Variants in PCDHA11 observed in about 807,000 individuals in gnomAD.
PCDHA11 encodes protocadherin alpha 11, also known as protocadherin alpha-11.
In PCDHA11, 61 loss-of-function variants were observed where a neutral mutation model predicts 70.3. The ratio of observed to expected loss-of-function variants is 0.87; its 90% CI spans 0.71 to 1.07. The LOEUF (loss-of-function observed/expected upper bound fraction) is 1.07. PCDHA11 is among the 50% of genes least tolerant of loss of function. The pLI is 0.00. For synonymous variants in PCDHA11, 633 were observed against 555.1 expected, an observed-to-expected ratio of 1.14 and a Z score of -1.97; for missense variants, 1,324 against 1,237.5, an observed-to-expected ratio of 1.07 and a Z score of -1.05.
intron 1 of PCDHA11, chr5:140,928,484 G>A (rs1371678688): frequency 1.5e-5 from 25 of 1,614,026 alleles, no homozygotes; most frequent in African/African-American, 4.0e-5. Context: ...CGGGATGGTG[G>A]CATTCCTCCC....
At position 140,869,394 on chromosome 5, in the gene PCDHA11, G is replaced by A. The variant is rs782128248; in HGVS notation, c.291G>A (p.Gly97=). ...GGATCGACCGCGAGGAGCTGTGCGG[G>A]CAGAGCGCGGAGTGCAGCATCCACC... is the stretch of plus-strand genomic sequence containing the variant. ...NSRIDREELC[G]QSAECSIHLE... Residue 97 remains glycine (G), a synonymous_variant, in exon 1 of 4, where the codon GGG becomes GGA. Coordinates refer to ENST00000398640, the MANE Select transcript of PCDHA11 (RefSeq NM_018902.5). 6.2e-7 allele frequency: 1 copy of A among 1,614,078 alleles called. No individual in the cohort carries two copies. The highest frequency in any genetic ancestry group is 8.5e-7 in the Non-Finnish European group (1 of 1,180,052).
intron 1 of PCDHA11, chr5:140,883,940 G>T: frequency 6.2e-7 from 1 of 1,613,412 alleles, no homozygotes; most frequent in Non-Finnish European, 8.5e-7. Flanking sequence ...CGTGCTGGAC[G>T]AGAACGACAA....
At chr5:140,887,100 T>TC (rs1231390589) in intron 1 of PCDHA11, among the ~76,000 whole-genome samples, 2 of 151,232 alleles carry the variant, frequency 1.3e-5, no homozygotes, top group Non-Finnish European at 2.9e-5. Flanking sequence ...TATCTTTATC[T>TC]CTTTTTTTTT....
In PCDHA11 at chr5:140,871,131, G is replaced by A. The variant is rs781968741; in HGVS notation, c.2028G>A (p.Lys676=). 1.2e-6 allele frequency: 2 copies of A among 1,613,386 alleles called. No homozygotes were observed. The highest frequency in any genetic ancestry group is 2.2e-5 in the South Asian group (2 of 91,080). The stretch of plus-strand genomic sequence containing the variant: ...TGGTGGAGAGCGGACAGGCGCCAAA[G>A]GCCTCTTCCCGGACTTTGGCGGGCG... ...VSLVESGQAP[K]ASSRTLAGAA... Residue 676 remains lysine, a synonymous_variant, in exon 1 of 4, where the codon AAG becomes AAA. Coordinates refer to ENST00000398640, the MANE Select transcript of PCDHA11 (RefSeq NM_018902.5).
rs538891766 is a variant in PCDHA11 at position 140,931,784 on chromosome 5, A to G, written c.2392-47165A>G. The stretch of plus-strand genomic sequence containing the variant: ...TTTACTTCTTCCTGTTCAATTACCT[A>G]TTGATCTGATCTTAATTCTTTAGAA... On this transcript the variant is annotated intron_variant, in intron 1 of 3. Transcript: ENST00000398640. Among the ~76,000 whole-genome samples, 13 of 152,080 alleles carry G rather than the reference A, an allele frequency of 8.5e-5. No homozygotes were observed. In the East Asian group the frequency reaches 1.9e-3, roughly 23 times the overall value.
chr5:140,979,122 T>C (rs1271679977), intron 2 of PCDHA11, 115 bp downstream of exon 2: 2 of 1,493,778 alleles, frequency 1.3e-6, no homozygotes, highest in African/African-American at 2.8e-5. Flanking sequence ...TTAGGTACTT[T>C]GCCAGGAAAA....
intron 1 of PCDHA11, among the ~76,000 whole-genome samples, chr5:140,976,876 G>A (rs1166300025): frequency 6.6e-6 from 1 of 152,160 alleles, no homozygotes; most frequent in Non-Finnish European, 1.5e-5. Flanking sequence ...GACAAAGAAA[G>A]AATTAGGATA....
chr5:140,942,478 C>T (rs2093304158), intron 1 of PCDHA11, among the ~76,000 whole-genome samples: 1 of 151,408 alleles, frequency 6.6e-6, no homozygotes, highest in African/African-American at 2.4e-5. Flanking sequence ...ATTCAAGCTA[C>T]AACTGAAATA....
At chr5:140,962,565 C>G (rs2095693012) in intron 1 of PCDHA11, among the ~76,000 whole-genome samples, 1 of 152,130 alleles carries the variant, frequency 6.6e-6, no homozygotes, top group African/African-American at 2.4e-5. Flanking sequence ...CCCCTAAAAG[C>G]CAATTGTTAA....
intron 1 of PCDHA11, among the ~76,000 whole-genome samples, chr5:140,969,759 T>C (rs576118722): frequency 1.3e-5 from 2 of 152,338 alleles, no homozygotes; most frequent in African/African-American, 4.8e-5. Flanking sequence ...CTTAAAAAGC[T>C]CTGAGGCCTC....
At chr5:140,928,076 A>G (rs2084914697) in intron 1 of PCDHA11, 1 of 1,614,142 alleles carries the variant, frequency 6.2e-7, no homozygotes. Context: ...GACAACTACT[A>G]CAGCCTGCTG....
At chr5:140,908,470 G>C (rs2073991280) in intron 1 of PCDHA11, among the ~76,000 whole-genome samples, 1 of 152,186 alleles carries the variant, frequency 6.6e-6, no homozygotes, top group Non-Finnish European at 1.5e-5. Flanking sequence ...AAAGCACCCA[G>C]TTCATGATAG....
In PCDHA11 at chr5:140,903,474, C is replaced by T. The variant is rs1257250947; in HGVS notation, c.2391+31980C>T. Among the ~76,000 whole-genome samples, 4 of 152,106 alleles carry T rather than the reference C, an allele frequency of 2.6e-5. No homozygotes were observed. In the East Asian group the frequency reaches 7.7e-4, roughly 29 times the overall value. The stretch of plus-strand genomic sequence containing the variant: ...ATCAAACTTAAAATATTATTCCTTG[C>T]ATTATAGTTCTGAGCAGGTACCATA... On this transcript the variant is annotated intron_variant, in intron 1 of 3. Transcript: ENST00000398640.
Position 140,928,590 on chromosome 5 carries a change from A to G in PCDHA11, c.2392-50359A>G, listed in dbSNP as rs78699363. The G allele has an allele frequency of 6.8e-4, 1,101 of 1,614,224 alleles. 1 individual carries two copies. Among genetic ancestry groups the G allele is most frequent in the Non-Finnish European group, 8.8e-4 (1,041 of 1,180,028 alleles). On this transcript the variant is annotated intron_variant, in intron 1 of 3. Coordinates refer to ENST00000398640, the MANE Select transcript of PCDHA11 (RefSeq NM_018902.5). ...CCTTGCCCAGAAATGGTTCTGTCCC[A>G]GTGGAAATTGTGCCCCGCTCTGCCA...
rs782163731 is a variant in PCDHA11, at chr5:140,869,573, C to A, written c.470C>A (p.Ala157Asp). 8 of 1,614,154 alleles carry A rather than the reference C, an allele frequency of 5.0e-6. No homozygotes were observed. In the East Asian group the frequency reaches 1.8e-4, roughly 36 times the overall value. ...QSDSRFPLEG[A>D]SDADIEENAL... ...GACTCGCGTTTTCCACTAGAGGGAG[C>A]TTCTGATGCTGACATTGAAGAGAAT... The change falls in exon 1 of 4, where the codon GCT becomes GAT. Residue 157 changes from alanine to aspartate, a missense_variant. Physicochemically the swap from Ala to Asp is moderately radical, Grantham distance 126. Coordinates refer to ENST00000398640, the MANE Select transcript of PCDHA11 (RefSeq NM_018902.5).
chr5:140,946,631 T>TATATATATATATAC (rs57893927), intron 1 of PCDHA11, among the ~76,000 whole-genome samples: 2,707 of 131,678 alleles, frequency 0.021, 122 homozygotes, highest in African/African-American at 0.036. Flanking sequence ...TATATATATA[T>TATATATATATATAC]ACAATGGAAT....
intron 1 of PCDHA11, among the ~76,000 whole-genome samples, chr5:140,933,393 C>G (rs1419190705): frequency 2.6e-5 from 4 of 151,956 alleles, no homozygotes; most frequent in Admixed American, 1.3e-4. Context: ...CTAGAGCCAT[C>G]TGGTTACCAT....
At chr5:140,947,299 C>T (rs547529076) in intron 1 of PCDHA11, among the ~76,000 whole-genome samples, 1 of 151,554 alleles carries the variant, frequency 6.6e-6, no homozygotes, top group South Asian at 2.1e-4. Context: ...ATTATCTTGA[C>T]ATCTTTGTAA....
At chr5:140,966,747 C>T (rs2096048243) in intron 1 of PCDHA11, 3 of 1,426,904 alleles carry the variant, frequency 2.1e-6, no homozygotes, top group Admixed American at 5.5e-5. Flanking sequence ...GCCCGGCTGC[C>T]TCCGCCGCGG....
Sources: gnomAD v4.1 joint callset for allele counts (sites outside exome capture counted in the v4.1 genomes callset) on GRCh38, gnomAD v4.1.1 for gene constraint, MANE v1.5 for transcripts, NCBI Gene and HGNC (gene_info 2026-07-23, HGNC 2026-07-21) for gene names.